Variants in PSMD8 observed in about 807,000 individuals in gnomAD.
PSMD8 encodes proteasome 26S subunit, non-ATPase 8.
Under a neutral mutation model 40.0 loss-of-function variants are expected in PSMD8, and 30 were observed. That is an observed-to-expected ratio of 0.75 (90% CI 0.56 to 1.02). The LOEUF (loss-of-function observed/expected upper bound fraction) is 1.02. PSMD8 is among the 50% of genes least tolerant of loss of function. The pLI is 0.00. For synonymous variants in PSMD8, 208 were observed against 192.5 expected (o/e 1.08, Z -0.67); for missense variants, 461 against 463.9 (o/e 0.99, Z 0.06).
At chr19:38,379,436 G>T in intron 4 of PSMD8, 31 bp downstream of exon 4, 4 of 1,611,110 alleles carry the variant, frequency 2.5e-6, no homozygotes, top group African/African-American at 1.3e-5. Flanking sequence ...GGAGGACCTG[G>T]CCAAAGTGGG....
At chr19:38,381,735 CCT>C (rs1970642124) in intron 5 of PSMD8, among the ~76,000 whole-genome samples, 1 of 152,138 alleles carries the variant, frequency 6.6e-6, no homozygotes, top group South Asian at 2.1e-4. Flanking sequence ...GTTCGTGGTG[CCT>C]CTTGATGGGT....
chr19:38,374,721 C>G lies in PSMD8; in HGVS notation c.120C>G (p.His40Gln), dbSNP rs1242785617. 1 of 1,547,828 alleles carries G rather than the reference C, an allele frequency of 6.5e-7. No homozygotes were observed. The highest frequency in any genetic ancestry group is 8.7e-7 in the Non-Finnish European group (1 of 1,149,488). The change falls in exon 1 of 7, where the codon CAC becomes CAG. Residue 40 changes from histidine to glutamine, a missense_variant. Coordinates refer to ENST00000215071, the MANE Select transcript of PSMD8 (RefSeq NM_002812.5). Reference protein sequence around the residue: ...PRALGSTSRPHFRRASVCRRR... With the variant: ...PRALGSTSRPQFRRASVCRRR... The stretch of plus-strand genomic sequence containing the variant: ...CCTTGGGCTCCACCTCTCGGCCCCA[C>G]TTCCGCCGGGCAAGCGTTTGTAGGC...
At position 38,383,526 on chromosome 19, in the gene PSMD8, T is replaced by C. The variant is rs1970661896; in HGVS notation, c.*136T>C. On this transcript the variant is annotated 3_prime_UTR_variant, in exon 7 of 7. Transcript: ENST00000215071. The stretch of plus-strand genomic sequence containing the variant: ...CCAGTTGGGACGGCAGAGAGACAAG[T>C]TCTTATATCTGAAGAACTTGGAGGT... 8.3e-7 allele frequency: 1 copy of C among 1,197,818 alleles called. No individual in the cohort carries two copies. Among genetic ancestry groups the C allele is most frequent in the African/African-American group, 1.5e-5 (1 of 64,962 alleles). The allele number at this position is 1,197,818 out of a possible 1,614,324, so 74.2% of individuals were successfully genotyped here.
chr19:38,374,589 A>C lies in PSMD8; in HGVS notation c.-13A>C, dbSNP rs1410857834. 1 of 1,451,098 alleles carries C rather than the reference A, an allele frequency of 6.9e-7. No homozygotes were observed. Among genetic ancestry groups the C allele is most frequent in the Non-Finnish European group, 9.0e-7 (1 of 1,105,702 alleles). 89.9% of individuals were successfully genotyped at this position (1,451,098 alleles called of 1,614,324 possible). A position where few individuals can be genotyped will look rare whatever the true frequency, so the allele number is the denominator to read the frequency against. On this transcript the variant is annotated 5_prime_UTR_variant, in exon 1 of 7. Coordinates refer to ENST00000215071, the MANE Select transcript of PSMD8 (RefSeq NM_002812.5). ...CCATCTTGAGTGACGACAGAGGCGG[A>C]GCTCCAACTGACATGTTCATTAAGG...
Position 38,374,733 on chromosome 19 carries a change from A to C in PSMD8, c.132A>C (p.Ala44=). The stretch of plus-strand genomic sequence containing the variant: ...CCTCTCGGCCCCACTTCCGCCGGGC[A>C]AGCGTTTGTAGGCGGCGCTGCCGTA... ...GSTSRPHFRR[A]SVCRRRCRKS... is the part of the protein sequence containing the mutation. The change falls in exon 1 of 7, where the codon GCA becomes GCC. Residue 44 remains alanine (A), a synonymous_variant. Coordinates refer to ENST00000215071, the MANE Select transcript of PSMD8 (RefSeq NM_002812.5). The C allele has an allele frequency of 1.9e-6, 3 of 1,551,586 alleles. No individual in the cohort carries two copies. Among genetic ancestry groups the C allele is most frequent in the South Asian group, 1.2e-5 (1 of 84,870 alleles).
At chr19:38,380,254 C>T (rs934872056) in intron 4 of PSMD8, among the ~76,000 whole-genome samples, 2 of 152,158 alleles carry the variant, frequency 1.3e-5, no homozygotes, top group African/African-American at 4.8e-5. Flanking sequence ...CCATTGCACT[C>T]CAGCCTGGGC....
chr19:38,379,464 T>C lies in PSMD8; in HGVS notation c.702+59T>C, dbSNP rs1970622827. ...AAAGTGGGTGGTGCAGGGGTGGTCT[T>C]AGGAGGGCTTTCCTGAAGGAGTGGC... On this transcript the variant is annotated intron_variant, in intron 4 of 6. Transcript: ENST00000215071. 8.9e-6 allele frequency: 14 copies of C among 1,566,994 alleles called. No homozygotes were observed. In the Admixed American group the frequency reaches 1.5e-4, roughly 17 times the overall value.
Position 38,383,511 on chromosome 19 carries a change from C to A in PSMD8, c.*121C>A. 2 of 1,343,360 alleles carry A rather than the reference C, an allele frequency of 1.5e-6. No individual in the cohort carries two copies. The highest frequency in any genetic ancestry group is 1.3e-5 in the South Asian group (1 of 74,154). 83.2% of individuals were successfully genotyped at this position (1,343,360 alleles called of 1,614,324 possible). A position where few individuals can be genotyped will look rare whatever the true frequency, so the allele number is the denominator to read the frequency against. On this transcript the variant is annotated 3_prime_UTR_variant, in exon 7 of 7. Transcript: ENST00000215071. ...CAGGCCCTTGTCTCCCCAGTTGGGA[C>A]GGCAGAGAGACAAGTTCTTATATCT...
chr19:38,380,148 G>A (rs568689536), intron 4 of PSMD8, among the ~76,000 whole-genome samples: 180 of 151,904 alleles, frequency 1.2e-3, no homozygotes, highest in African/African-American at 4.2e-3. Context: ...CTAGCCAGGC[G>A]GATGGTGGGT....
intron 3 of PSMD8, 122 bp from the exon 4 acceptor site, chr19:38,379,111 GAAAACCC>G: frequency 1.1e-6 from 1 of 932,556 alleles, no homozygotes; most frequent in Admixed American, 2.8e-5. Context: ...TTCCTCATAT[GAAAACCC>G]AGGACCTGAT....
rs771895667 is a variant in PSMD8, at chr19:38,379,263, A to T, written c.560A>T (p.Tyr187Phe). The T allele has an allele frequency of 6.2e-7, 1 of 1,613,836 alleles. No homozygotes were observed. Among genetic ancestry groups the T allele is most frequent in the Non-Finnish European group, 8.5e-7 (1 of 1,179,854 alleles). ...AGGGAGCAGCTCCCCGAGTCAGCCTATATGCACCAGCTCTTGGGCCTCAAC... is the reference window on the plus strand; with the variant it reads ...AGGGAGCAGCTCCCCGAGTCAGCCTTTATGCACCAGCTCTTGGGCCTCAAC... ...DYKEQLPESAYMHQLLGLNLL... is the reference protein window; with the variant it reads ...DYKEQLPESAFMHQLLGLNLL... The change falls in exon 4 of 7, where the codon TAT (tyrosine) becomes TTT (phenylalanine). Residue 187 changes from tyrosine (Y) to phenylalanine (F), a missense_variant. Around this residue, in one of 2 missense-constraint regions of PSMD8, gnomAD observed 236 missense variants for 321.2 expected, o/e 0.73. Transcript: ENST00000215071.
intron 3 of PSMD8, among the ~76,000 whole-genome samples, chr19:38,378,689 C>T (rs1319289533): frequency 1.3e-5 from 2 of 149,684 alleles, no homozygotes; most frequent in Non-Finnish European, 3.0e-5. Flanking sequence ...CGCAGTGGCT[C>T]ATACCTGTAA....
intron 4 of PSMD8, among the ~76,000 whole-genome samples, chr19:38,380,152 G>C (rs1261560827): frequency 6.6e-6 from 1 of 152,118 alleles, no homozygotes. Context: ...CCAGGCGGAT[G>C]GTGGGTGCCT....
intron 4 of PSMD8, 134 bp from the exon 5 acceptor site, chr19:38,380,765 G>T: frequency 1.6e-6 from 1 of 608,250 alleles, no homozygotes; most frequent in East Asian, 3.3e-5. Context: ...GGAAGAGGGG[G>T]TACCCAGGGC....
chr19:38,375,123 TGG>T, intron 1 of PSMD8, 162 bp downstream of exon 1: 1 of 1,225,632 alleles, frequency 8.2e-7, no homozygotes, highest in Non-Finnish European at 1.1e-6. Context: ...ACAGCCAAAG[TGG>T]GGGCTCGGAG....
chr19:38,374,648 G>A lies in PSMD8; in HGVS notation c.47G>A (p.Arg16Gln), dbSNP rs375145305. ...RAPRAPPRER[R>Q]RATRGGLRQV... ...CCGAGGGCGCCACCTCGAGAGCGAC[G>A]GCGGGCTACCCGGGGCGGGCTGAGG... The change falls in exon 1 of 7, where the codon CGG (arginine) becomes CAG (glutamine). Residue 16 changes from arginine (R) to glutamine (Q), a missense_variant. By Grantham distance (43) the Arg-to-Gln change is conservative. Transcript: ENST00000215071. 5.1e-5 allele frequency: 77 copies of A among 1,515,936 alleles called. No homozygotes were observed. The highest frequency in any genetic ancestry group is 6.3e-5 in the South Asian group (5 of 79,942). 93.9% of individuals were successfully genotyped at this position (1,515,936 alleles called of 1,614,324 possible). A position where few individuals can be genotyped will look rare whatever the true frequency, so the allele number is the denominator to read the frequency against.
chr19:38,381,971 C>A (rs1312171963), intron 5 of PSMD8, 146 bp from the exon 6 acceptor site: 8 of 629,092 alleles, frequency 1.3e-5, no homozygotes, highest in Non-Finnish European at 2.2e-5. Flanking sequence ...CCCTTCTGAG[C>A]CTTGATGAAT....
In PSMD8 at chr19:38,382,232, G is replaced by A; in HGVS notation, c.915+4G>A. ...GATGACAGACTACGCCAAGAAGGTG[G>A]CTGGGGTACAGGGCAAGGGGCCGTG... On this transcript the variant is annotated splice_donor_region_variant and intron_variant, in intron 6 of 6. Coordinates refer to ENST00000215071, the MANE Select transcript of PSMD8 (RefSeq NM_002812.5). 2 of 1,580,136 alleles carry A rather than the reference G, an allele frequency of 1.3e-6. No homozygotes were observed. The highest frequency in any genetic ancestry group is 2.7e-5 in the African/African-American group (2 of 74,258).
At chr19:38,381,765 G>A (rs144075618) in intron 5 of PSMD8, among the ~76,000 whole-genome samples, 196 of 152,282 alleles carry the variant, frequency 1.3e-3, no homozygotes, top group African/African-American at 4.6e-3. Flanking sequence ...ACCCCCTCAG[G>A]ATCTATGAAG....
Sources: gnomAD v4.1 joint callset for allele counts (sites outside exome capture counted in the v4.1 genomes callset) on GRCh38, gnomAD v4.1.1 for gene constraint, gnomAD v4.1.1 regional missense constraint, MANE v1.5 for transcripts, NCBI Gene and HGNC (gene_info 2026-07-23, HGNC 2026-07-21) for gene names.